The following SRGAP3 variants were observed in gnomAD, a reference collection of about 807,000 sequenced individuals.
SRGAP3 encodes SLIT-ROBO Rho GTPase-activating protein 3.
Under a neutral mutation model 121.1 loss-of-function variants are expected in SRGAP3, and 39 were observed. That is an observed-to-expected ratio of 0.32 (90% confidence interval 0.25 to 0.42). The LOEUF is 0.42. Among genes scored for constraint, SRGAP3 ranks in the 10% least tolerant of loss-of-function variants. The pLI, the probability that SRGAP3 is intolerant of heterozygous loss-of-function variation, is 1.00. For missense variants in SRGAP3, 1,213 were observed against 1,470.6 expected, an observed-to-expected ratio of 0.82 and a Z score of 2.86; for synonymous variants, 601 against 570.0, an observed-to-expected ratio of 1.05 and a Z score of -0.77.
intron 2 of SRGAP3, among the ~76,000 whole-genome samples, chr3:9,116,929 T>C (rs995745084): frequency 4.6e-5 from 7 of 152,214 alleles, no homozygotes; most frequent in South Asian, 2.1e-4. Flanking sequence ...AATGAGATGA[T>C]GCCTATCAGA....
At chr3:9,205,289 A>G (rs1952224578) in intron 1 of SRGAP3, among the ~76,000 whole-genome samples, 1 of 152,250 alleles carries the variant, frequency 6.6e-6, no homozygotes, top group African/African-American at 2.4e-5. Context: ...ACGTGTAATC[A>G]ATATAAAAAA....
chr3:9,030,002 A>T (rs1344467448), intron 12 of SRGAP3, among the ~76,000 whole-genome samples: 1 of 151,982 alleles, frequency 6.6e-6, no homozygotes, highest in Non-Finnish European at 1.5e-5. Context: ...TTATTTTTTA[A>T]TCAGCCAAGC....
chr3:9,121,927 T>C (rs909136341), intron 2 of SRGAP3, among the ~76,000 whole-genome samples: 7 of 152,166 alleles, frequency 4.6e-5, no homozygotes, highest in Non-Finnish European at 8.8e-5. Flanking sequence ...TGCCTGTGGT[T>C]CCAGGGAGGG....
intron 2 of SRGAP3, among the ~76,000 whole-genome samples, chr3:9,108,251 A>G (rs1346852612): frequency 6.6e-6 from 1 of 152,124 alleles, no homozygotes; most frequent in Non-Finnish European, 1.5e-5. Flanking sequence ...CAAAATCAGA[A>G]TCTCTGGGGG....
Position 9,025,258 on chromosome 3 carries a change from C to T in SRGAP3, c.1678+3G>A, listed in dbSNP as rs765514880. 6.6e-5 allele frequency: 107 copies of T among 1,614,074 alleles called. No homozygotes were observed. Among genetic ancestry groups the T allele is most frequent in the Non-Finnish European group, 8.5e-5 (100 of 1,180,038 alleles). On this transcript the variant is annotated splice_donor_region_variant and intron_variant, in intron 14 of 21. Coordinates refer to ENST00000383836, the MANE Select transcript of SRGAP3 (RefSeq NM_014850.4). Reference sequence around the variant, plus strand: ...AAGCCTAAGATGGTCGCTCTGCACCCACCTCTCTCAAAGGAATTTTTGATG... The same window carrying T: ...AAGCCTAAGATGGTCGCTCTGCACCTACCTCTCTCAAAGGAATTTTTGATG...
intron 9 of SRGAP3, among the ~76,000 whole-genome samples, chr3:9,050,505 T>C (rs1191588090): frequency 6.6e-6 from 1 of 152,186 alleles, no homozygotes; most frequent in African/African-American, 2.4e-5. Context: ...TCAAATTGCA[T>C]TGATGTTTGC....
chr3:9,180,833 G>A (rs1951370792), intron 1 of SRGAP3, among the ~76,000 whole-genome samples: 1 of 152,136 alleles, frequency 6.6e-6, no homozygotes, highest in Non-Finnish European at 1.5e-5. Flanking sequence ...AGCACCTCCT[G>A]CAAATGCCAG....
At chr3:9,183,951 C>T (rs1404045948) in intron 1 of SRGAP3, among the ~76,000 whole-genome samples, 1 of 152,098 alleles carries the variant, frequency 6.6e-6, no homozygotes. Flanking sequence ...TCCAGCCCTT[C>T]CCGGTTCTCA....
chr3:9,236,601 T>G lies in SRGAP3; in HGVS notation c.67+12284A>C, dbSNP rs1335644265. ...ACTTCCCCCCCCCTCTTCTTCCTAC[T>G]CCTGCCATGTAAGATGTGCCTGCTT... On this transcript the variant is annotated intron_variant, in intron 1 of 21. Transcript: ENST00000383836. Among the ~76,000 whole-genome samples the G allele has an allele frequency of 2.6e-5, 4 of 151,928 alleles. No individual in the cohort carries two copies. The East Asian group carries it at 7.7e-4, about 29-fold the overall frequency.
At chr3:9,335,226 C>T (rs1187667861) in intron 1 of SRGAP3, among the ~76,000 whole-genome samples, 1 of 152,160 alleles carries the variant, frequency 6.6e-6, no homozygotes, top group African/African-American at 2.4e-5. Context: ...GATAGCAGGG[C>T]CGCTAGTACT....
chr3:9,162,139 T>G (rs190713449), intron 1 of SRGAP3, among the ~76,000 whole-genome samples: 1 of 151,648 alleles, frequency 6.6e-6, no homozygotes, highest in South Asian at 2.1e-4. Flanking sequence ...GAGAGAGGAG[T>G]GCTGGGTGCC....
intron 1 of SRGAP3, among the ~76,000 whole-genome samples, chr3:9,221,462 T>C (rs1270126564): frequency 6.6e-6 from 1 of 152,134 alleles, no homozygotes; most frequent in Non-Finnish European, 1.5e-5. Flanking sequence ...GCTTGACCCT[T>C]GGAGTTCAAG....
intron 4 of SRGAP3, among the ~76,000 whole-genome samples, chr3:9,069,952 A>G (rs60169643): frequency 0.037 from 5,664 of 152,266 alleles, 127 homozygotes; most frequent in Middle Eastern, 0.058. Flanking sequence ...ATCTCAAAAA[A>G]AAAGAAAGAA....
At chr3:9,062,249 G>A (rs890661865) in intron 5 of SRGAP3, among the ~76,000 whole-genome samples, 1 of 152,134 alleles carries the variant, frequency 6.6e-6, no homozygotes, top group Non-Finnish European at 1.5e-5. Context: ...ATGAGGAAAT[G>A]AGAACTGGAG....
At chr3:9,162,621 A>G (rs1950636295) in intron 1 of SRGAP3, among the ~76,000 whole-genome samples, 1 of 152,196 alleles carries the variant, frequency 6.6e-6, no homozygotes, top group Non-Finnish European at 1.5e-5. Flanking sequence ...CAACACAGGG[A>G]AAAGGATGAC....
intron 3 of SRGAP3, among the ~76,000 whole-genome samples, chr3:9,274,596 G>C (rs1343790565): frequency 6.6e-6 from 1 of 152,186 alleles, no homozygotes; most frequent in Non-Finnish European, 1.5e-5. Flanking sequence ...ACAGCTCGGT[G>C]GAGGGTCAGT....
intron 6 of SRGAP3, chr3:9,058,714 CTTTTTTTTT>C: frequency 6.1e-5 from 13 of 212,814 alleles, no homozygotes; most frequent in South Asian, 1.2e-4. Context: ...TTCTCTCTCT[CTTTTTTTTT>C]TTTTTTTTTT....
chr3:9,273,255 G>C (rs1198994953), intron 3 of SRGAP3, among the ~76,000 whole-genome samples: 1 of 152,188 alleles, frequency 6.6e-6, no homozygotes, highest in Admixed American at 6.5e-5. Flanking sequence ...TCACTCACCA[G>C]CCAGTCACCT....
chr3:9,290,947 G>GGTGT (rs138316295), intron 3 of SRGAP3, among the ~76,000 whole-genome samples: 1 of 151,982 alleles, frequency 6.6e-6, no homozygotes, highest in Non-Finnish European at 1.5e-5. Context: ...TAGTGGTGAT[G>GGTGT]GTGTGTGTGT....
Sources: allele counts gnomAD v4.1 joint callset (sites outside exome capture counted in the v4.1 genomes callset), GRCh38; gene constraint gnomAD v4.1.1; transcripts MANE v1.5; gene names NCBI Gene and HGNC (gene_info 2026-07-23, HGNC 2026-07-21).